DNMBP: variants seen among roughly 807,000 people sequenced by gnomAD.
The protein encoded by DNMBP is dynamin binding protein, also known as dynamin-binding protein.
Under a neutral mutation model 150.0 loss-of-function variants are expected in DNMBP, and 87 were observed. That is an observed-to-expected ratio of 0.58 (90% CI 0.49 to 0.69). The LOEUF (loss-of-function observed/expected upper bound fraction) is 0.69. Among genes scored for constraint, DNMBP ranks in the 30% least tolerant of loss-of-function variants. The pLI, the probability that DNMBP is intolerant of heterozygous loss-of-function variation, is 0.00. For synonymous variants in DNMBP, 711 were observed against 750.4 expected, an observed-to-expected ratio of 0.95 and a Z score of 0.86; for missense variants, 1,774 against 1,949.0, an observed-to-expected ratio of 0.91 and a Z score of 1.69.
At chr10:99,959,612 G>A (rs1349828943) in intron 3 of DNMBP, among the ~76,000 whole-genome samples, 1 of 152,102 alleles carries the variant, frequency 6.6e-6, no homozygotes, top group East Asian at 1.9e-4. Flanking sequence ...CAGCACTTTG[G>A]GAGGCTGAGG....
At chr10:99,919,772 G>A (rs2040002845) in intron 4 of DNMBP, among the ~76,000 whole-genome samples, 1 of 152,246 alleles carries the variant, frequency 6.6e-6, no homozygotes, top group Non-Finnish European at 1.5e-5. Flanking sequence ...GGGCGACAGA[G>A]GAAGACTCCA....
chr10:99,878,680 C>T (rs1004067067), intron 16 of DNMBP, among the ~76,000 whole-genome samples: 4 of 152,184 alleles, frequency 2.6e-5, no homozygotes, highest in Admixed American at 2.6e-4. Context: ...TGGGCCTTCC[C>T]ATGAGGGCAA....
intron 14 of DNMBP, among the ~76,000 whole-genome samples, chr10:99,885,273 G>T (rs541888079): frequency 6.6e-6 from 1 of 152,354 alleles, no homozygotes; most frequent in African/African-American, 2.4e-5. Context: ...CACTTTGGGA[G>T]GCTGAGGCGG....
chr10:99,877,751 C>T (rs2133182569), intron 16 of DNMBP, among the ~76,000 whole-genome samples: 1 of 152,280 alleles, frequency 6.6e-6, no homozygotes, highest in Middle Eastern at 3.4e-3. Context: ...CTAATCCCAG[C>T]TACTCACGAG....
At chr10:99,934,724 G>T (rs34299379) in intron 4 of DNMBP, among the ~76,000 whole-genome samples, 23,384 of 97,416 alleles carry the variant, frequency 0.24, 6,660 homozygotes, top group African/African-American at 0.5. Context: ...TTTGGTAGAC[G>T]TGAGGAAATA....
At chr10:99,877,815 G>C (rs1219411207) in intron 16 of DNMBP, among the ~76,000 whole-genome samples, 2 of 152,098 alleles carry the variant, frequency 1.3e-5, no homozygotes, top group Non-Finnish European at 2.9e-5. Context: ...AGTGAGCCAA[G>C]ATCGCGCCAC....
intron 4 of DNMBP, among the ~76,000 whole-genome samples, chr10:99,912,991 TGC>T (rs1313895754): frequency 6.6e-6 from 1 of 152,228 alleles, no homozygotes; most frequent in Non-Finnish European, 1.5e-5. Flanking sequence ...TAAAAATATC[TGC>T]TCTAAAATTT....
At chr10:99,976,965 G>T (rs145596965) in intron 1 of DNMBP, among the ~76,000 whole-genome samples, 1 of 152,212 alleles carries the variant, frequency 6.6e-6, no homozygotes, top group African/African-American at 2.4e-5. Context: ...ATCAAGTAAA[G>T]AATTAGCATA....
intron 1 of DNMBP, among the ~76,000 whole-genome samples, chr10:99,974,161 T>C (rs1047387836): frequency 3.9e-5 from 6 of 152,070 alleles, no homozygotes; most frequent in African/African-American, 1.4e-4. Flanking sequence ...TAAAAATCTG[T>C]AAGAAAGGAA....
chr10:99,942,423 C>A (rs1478555897), intron 4 of DNMBP, among the ~76,000 whole-genome samples: 1 of 152,120 alleles, frequency 6.6e-6, no homozygotes, highest in Non-Finnish European at 1.5e-5. Context: ...TCTTTTGGGT[C>A]TTATTACATC....
chr10:99,981,508 T>C (rs1300180719), intron 1 of DNMBP, among the ~76,000 whole-genome samples: 2 of 152,160 alleles, frequency 1.3e-5, no homozygotes, highest in Non-Finnish European at 2.9e-5. Context: ...CAACATATCT[T>C]CAAGTCTGGA....
intron 1 of DNMBP, among the ~76,000 whole-genome samples, chr10:99,982,894 G>C (rs967365454): frequency 2.6e-5 from 4 of 152,014 alleles, no homozygotes; most frequent in African/African-American, 4.8e-5. Context: ...CTTGAACCTG[G>C]GAAGTGGAGG....
At chr10:99,960,410 G>T (rs2040551124) in intron 3 of DNMBP, among the ~76,000 whole-genome samples, 1 of 152,128 alleles carries the variant, frequency 6.6e-6, no homozygotes. Flanking sequence ...TAAGATCTGG[G>T]TAGCAAAGCA....
chr10:99,890,040 T>C (rs1292750425), intron 11 of DNMBP, among the ~76,000 whole-genome samples: 2 of 152,218 alleles, frequency 1.3e-5, no homozygotes, highest in Non-Finnish European at 1.5e-5. Flanking sequence ...CAGTGCCTCA[T>C]ACATTGGTTT....
At chr10:99,896,604 A>G (rs1013670147) in intron 9 of DNMBP, among the ~76,000 whole-genome samples, 2 of 152,228 alleles carry the variant, frequency 1.3e-5, no homozygotes, top group African/African-American at 4.8e-5. Context: ...GGCCAGAGAC[A>G]AGGAGGAAAA....
intron 3 of DNMBP, among the ~76,000 whole-genome samples, chr10:99,964,216 C>G (rs1253691223): frequency 7.0e-6 from 1 of 143,434 alleles, no homozygotes; most frequent in African/African-American, 2.6e-5. Flanking sequence ...GATCTCGGCT[C>G]GCTGCAACCT....
intron 11 of DNMBP, among the ~76,000 whole-genome samples, chr10:99,891,418 G>T (rs1422265119): frequency 6.6e-6 from 1 of 151,692 alleles, no homozygotes; most frequent in African/African-American, 2.4e-5. Flanking sequence ...CGAGTGATCC[G>T]CCAGCCTCGG....
intron 1 of DNMBP, among the ~76,000 whole-genome samples, chr10:100,001,284 G>A (rs2041008946): frequency 7.4e-6 from 1 of 135,576 alleles, no homozygotes; most frequent in Non-Finnish European, 1.5e-5. Flanking sequence ...GATAGAGAGT[G>A]AGAAAGGAAG....
At chr10:99,933,731 GTTTTTGTT>G (rs924308340) in intron 4 of DNMBP, among the ~76,000 whole-genome samples, 16 of 152,082 alleles carry the variant, frequency 1.1e-4, no homozygotes, top group Admixed American at 9.8e-4. Context: ...ACTTGTTGTT[GTTTTTGTT>G]TTTTTGTTTT....
Sources: gnomAD v4.1 joint callset for allele counts (sites outside exome capture counted in the v4.1 genomes callset) on GRCh38, gnomAD v4.1.1 for gene constraint, MANE v1.5 for transcripts, NCBI Gene and HGNC (gene_info 2026-07-23, HGNC 2026-07-21) for gene names.